The following ANK1 variants were observed in gnomAD, a reference collection of about 807,000 sequenced individuals.
ANK1 encodes ankyrin-1.
Under a neutral mutation model 210.4 loss-of-function variants are expected in ANK1, and 51 were observed. The ratio of observed to expected loss-of-function variants is 0.24; its 90% CI spans 0.19 to 0.31. The LOEUF (loss-of-function observed/expected upper bound fraction) is 0.31. Ranked by LOEUF, ANK1 falls within the 10% of genes least tolerant of loss-of-function variation. ANK1 has a pLI of 1.00. For synonymous variants in ANK1, 967 were observed against 1,025.9 expected (o/e 0.94, Z 1.10); for missense variants, 2,051 against 2,504.4 (o/e 0.82, Z 3.86).
intron 1 of ANK1, among the ~76,000 whole-genome samples, chr8:41,810,857 T>A (rs1394501512): frequency 1.3e-5 from 2 of 152,228 alleles, no homozygotes; most frequent in Non-Finnish European, 2.9e-5. Flanking sequence ...AAGGGTACTT[T>A]GGCAGGCAGA....
chr8:41,765,805 G>C lies in ANK1; in HGVS notation c.28-7668C>G, dbSNP rs758053779. ...ACTAATATAGCAATAGATGGGGTGC[G>C]AGGGGGCTCCAGTATCCTGAGAGGG... On this transcript the variant is annotated intron_variant, in intron 1 of 42. Transcript: ENST00000289734. Among the ~76,000 whole-genome samples the C allele has an allele frequency of 5.3e-5, 8 of 152,288 alleles. No homozygotes were observed. In the South Asian group the frequency reaches 1.5e-3, roughly 28 times the overall value.
intron 10 of ANK1, 52 bp downstream of exon 10, chr8:41,719,609 C>A: frequency 1.9e-6 from 3 of 1,609,524 alleles, no homozygotes; most frequent in Non-Finnish European, 2.5e-6. Context: ...TCTGCTCCTG[C>A]CCCCAGCCTG....
intron 2 of ANK1, among the ~76,000 whole-genome samples, chr8:41,736,111 A>T (rs1274553590): frequency 6.6e-6 from 1 of 152,206 alleles, no homozygotes; most frequent in Non-Finnish European, 1.5e-5. Context: ...CAATGAGTTT[A>T]TTAGAGAAAG....
At chr8:41,839,648 G>C (rs1011507187) in intron 1 of ANK1, among the ~76,000 whole-genome samples, 1 of 152,126 alleles carries the variant, frequency 6.6e-6, no homozygotes, top group South Asian at 2.1e-4. Flanking sequence ...GACTTCATCC[G>C]CTTCACCAAT....
rs1208719820 is a variant in ANK1 at position 41,723,725 on chromosome 8, C to A, written c.712-92G>T. On this transcript the variant is annotated intron_variant, in intron 7 of 42. Coordinates refer to ENST00000289734, the MANE Select transcript of ANK1 (RefSeq NM_000037.4). ...GCTCCCCTTGTCCCCAGCCCCCAGT[C>A]CCCAGGCCTGCAACAGCGTTGTCAG... is the stretch of plus-strand genomic sequence containing the variant. 6 of 1,059,210 alleles carry A rather than the reference C, an allele frequency of 5.7e-6. No homozygotes were observed. The African/African-American group carries it at 7.8e-5, about 14-fold the overall frequency. The allele number at this position is 1,059,210 out of a possible 1,614,324, so 65.6% of individuals were successfully genotyped here. A position where few individuals can be genotyped will look rare whatever the true frequency, so the allele number is the denominator to read the frequency against.
At chr8:41,669,834 G>A (rs1811718724) in intron 38 of ANK1, among the ~76,000 whole-genome samples, 1 of 152,146 alleles carries the variant, frequency 6.6e-6, no homozygotes, top group Non-Finnish European at 1.5e-5. Flanking sequence ...TCCTCTCAAG[G>A]CAGGTGCAGC....
At chr8:41,888,096 C>G (rs1336760891) in intron 1 of ANK1, among the ~76,000 whole-genome samples, 2 of 152,246 alleles carry the variant, frequency 1.3e-5, no homozygotes, top group Non-Finnish European at 2.9e-5. Context: ...CCTCCCACTG[C>G]AAGCCCCGCA....
intron 12 of ANK1, 152 bp from the exon 13 acceptor site, chr8:41,717,203 G>C: frequency 1.4e-6 from 1 of 737,738 alleles, no homozygotes; most frequent in Non-Finnish European, 2.4e-6. Flanking sequence ...CCTGGTATGT[G>C]TGCATGTGTG....
chr8:41,702,200 G>C, intron 20 of ANK1, 56 bp from the exon 21 acceptor site: 3 of 1,468,292 alleles, frequency 2.0e-6, no homozygotes, highest in Non-Finnish European at 2.9e-6. Flanking sequence ...TAGGAGGCGG[G>C]GCTGGCTCCC....
chr8:41,782,589 C>T (rs1235764536), intron 1 of ANK1, among the ~76,000 whole-genome samples: 1 of 152,172 alleles, frequency 6.6e-6, no homozygotes, highest in Non-Finnish European at 1.5e-5. Context: ...CCAGGTAATT[C>T]CTGACACCCA....
rs769870526 is a variant in ANK1, at chr8:41,708,866, G to A, written c.1910C>T (p.Thr637Met). 1.9e-5 allele frequency: 30 copies of A among 1,613,942 alleles called. No homozygotes were observed. In the Admixed American group the frequency reaches 2.5e-4, roughly 13 times the overall value. Residue 637 changes from threonine to methionine, a missense_variant, in exon 17 of 43, where the codon ACG (threonine) becomes ATG (methionine). Thr to Met is a moderately conservative substitution (Grantham distance 81). Transcript: ENST00000289734. ...CTCCTGGGCGGCCAGGTGAAGGGGC[G>A]TCACACCTTGCACCGACTCGGCGTT... ...SANAESVQGV[T>M]PLHLAAQEGH...
chr8:41,682,742 G>A (rs1444915768), intron 37 of ANK1, among the ~76,000 whole-genome samples: 1 of 152,226 alleles, frequency 6.6e-6, no homozygotes, highest in East Asian at 1.9e-4. Context: ...GGCTCTGGTG[G>A]CCCATTGTCC....
At chr8:41,824,070 C>T (rs947677510) in intron 1 of ANK1, among the ~76,000 whole-genome samples, 1 of 152,116 alleles carries the variant, frequency 6.6e-6, no homozygotes, top group Non-Finnish European at 1.5e-5. Context: ...AGCAATTCTC[C>T]TGCCTCAGCC....
intron 41 of ANK1, 133 bp downstream of exon 41, chr8:41,661,743 G>T (rs750424435): frequency 2.2e-4 from 353 of 1,607,308 alleles, no homozygotes; most frequent in Non-Finnish European, 2.7e-4. Flanking sequence ...AGACGGCCCG[G>T]CAGAGCAAGG....
intron 1 of ANK1, among the ~76,000 whole-genome samples, chr8:41,767,022 C>A (rs1342478891): frequency 2.0e-5 from 3 of 152,280 alleles, no homozygotes; most frequent in Middle Eastern, 3.4e-3. Flanking sequence ...CTCGGGGCAC[C>A]CCGGCGGCGG....
chr8:41,730,782 A>C (rs1370937266), intron 3 of ANK1, among the ~76,000 whole-genome samples: 1 of 152,224 alleles, frequency 6.6e-6, no homozygotes, highest in Non-Finnish European at 1.5e-5. Context: ...CTGGGCTCCC[A>C]TGGAAAAGAA....
intron 1 of ANK1, among the ~76,000 whole-genome samples, chr8:41,867,582 T>C (rs1814709275): frequency 6.6e-6 from 1 of 152,016 alleles, no homozygotes; most frequent in Non-Finnish European, 1.5e-5. Context: ...CCCATGCCAT[T>C]CCCTCTGCCC....
intron 1 of ANK1, among the ~76,000 whole-genome samples, chr8:41,760,829 G>T (rs1036880798): frequency 6.6e-6 from 1 of 152,044 alleles, no homozygotes; most frequent in Non-Finnish European, 1.5e-5. Context: ...AGCGTGTGAC[G>T]CCATTCCCAC....
intron 35 of ANK1, among the ~76,000 whole-genome samples, chr8:41,686,657 C>A (rs912749382): frequency 6.6e-6 from 1 of 152,184 alleles, no homozygotes; most frequent in Non-Finnish European, 1.5e-5. Flanking sequence ...AGCCAGGAGG[C>A]AGCCGTACCT....
Sources: allele counts gnomAD v4.1 joint callset (sites outside exome capture counted in the v4.1 genomes callset), GRCh38; gene constraint gnomAD v4.1.1; transcripts MANE v1.5; gene names NCBI Gene and HGNC (gene_info 2026-07-23, HGNC 2026-07-21).